Variants in ZDHHC5 observed in about 807,000 individuals in gnomAD.
ZDHHC5 encodes zDHHC palmitoyltransferase 5, also known as palmitoyltransferase ZDHHC5.
A neutral mutation model predicts 70.0 loss-of-function variants in ZDHHC5; 22 were observed. The observed-to-expected ratio is 0.31, with a 90% CI of 0.22 to 0.45. The LOEUF (loss-of-function observed/expected upper bound fraction) is 0.45. ZDHHC5 is among the 20% of genes least tolerant of loss of function. The pLI, the probability that ZDHHC5 is intolerant of heterozygous loss-of-function variation, is 1.00. For synonymous variants in ZDHHC5, 313 were observed against 347.8 expected (o/e 0.90, Z 1.11); for missense variants, 746 against 926.9 (o/e 0.80, Z 2.53).
intron 2 of ZDHHC5, among the ~76,000 whole-genome samples, chr11:57,674,483 G>A (rs1341551559): frequency 6.6e-6 from 1 of 152,138 alleles, no homozygotes; most frequent in Admixed American, 6.5e-5. Context: ...GATCTTCTGG[G>A]AAGTTACTTT....
chr11:57,682,777 TCTAGTC>T (rs1216883382), intron 3 of ZDHHC5, among the ~76,000 whole-genome samples: 4 of 152,228 alleles, frequency 2.6e-5, no homozygotes, highest in Admixed American at 1.3e-4. Context: ...TGTCATAACT[TCTAGTC>T]CTATGATTCA....
At chr11:57,677,755 G>C (rs1946090588) in intron 2 of ZDHHC5, among the ~76,000 whole-genome samples, 1 of 152,054 alleles carries the variant, frequency 6.6e-6, no homozygotes, top group Non-Finnish European at 1.5e-5. Context: ...AGTTCTCTCT[G>C]GTCCCCCCTC....
intron 9 of ZDHHC5, 25 bp from the exon 10 acceptor site, chr11:57,696,736 G>A (rs1946356442): frequency 6.2e-7 from 1 of 1,604,656 alleles, no homozygotes; most frequent in Non-Finnish European, 8.5e-7. Context: ...GTAAAATAGT[G>A]CCCCCTTGGC....
At chr11:57,675,983 A>G (rs1024221370) in intron 2 of ZDHHC5, among the ~76,000 whole-genome samples, 2 of 152,138 alleles carry the variant, frequency 1.3e-5, no homozygotes, top group African/African-American at 2.4e-5. Context: ...TCATCCTCCT[A>G]TTCTCTTCAC....
rs764900239 is a variant in ZDHHC5, at chr11:57,699,151, A to G, written c.1715A>G (p.Gln572Arg). ...EEPGLGDSGI[Q>R]STPGSGHAPR... ...CCAGGCTTGGGGGACTCAGGCATTC[A>G]GTCAACACCAGGCTCGGGCCATGCC... is the stretch of plus-strand genomic sequence containing the variant. The change falls in exon 11 of 12, where the codon CAG becomes CGG. Residue 572 changes from glutamine to arginine, a missense_variant. Coordinates refer to ENST00000287169, the MANE Select transcript of ZDHHC5 (RefSeq NM_015457.3). The G allele has an allele frequency of 1.9e-6, 3 of 1,614,134 alleles. No individual in the cohort carries two copies. The highest frequency in any genetic ancestry group is 1.1e-5 in the South Asian group (1 of 91,096).
At chr11:57,674,142 A>G (rs1181747435) in intron 2 of ZDHHC5, among the ~76,000 whole-genome samples, 1 of 152,146 alleles carries the variant, frequency 6.6e-6, no homozygotes, top group Non-Finnish European at 1.5e-5. Context: ...GTTTCTGCCG[A>G]GGGAATGACA....
intron 10 of ZDHHC5, among the ~76,000 whole-genome samples, chr11:57,698,021 G>A (rs1946377812): frequency 6.6e-6 from 1 of 151,792 alleles, no homozygotes; most frequent in Non-Finnish European, 1.5e-5. Flanking sequence ...TGTAATCCCA[G>A]CTACTCGGGA....
Position 57,696,792 on chromosome 11 carries a change from G to A in ZDHHC5, c.1041G>A (p.Pro347=), listed in dbSNP as rs758935084. 1.5e-5 allele frequency: 25 copies of A among 1,613,806 alleles called. No homozygotes were observed. The highest frequency in any genetic ancestry group is 2.2e-5 in the East Asian group (1 of 44,886). Residue 347 remains proline (P), a synonymous_variant, in exon 10 of 12, where the codon CCG becomes CCA. Transcript: ENST00000287169. The part of the protein sequence containing the change: ...DSSLLAKDSP[P]TPTMYKYRPG... ...GCTTATTGGCCAAGGACAGCCCCCC[G>A]ACACCTACCATGTACAAGTATCGGC...
intron 2 of ZDHHC5, among the ~76,000 whole-genome samples, chr11:57,679,011 A>G (rs1361736781): frequency 6.6e-6 from 1 of 152,188 alleles, no homozygotes; most frequent in Non-Finnish European, 1.5e-5. Flanking sequence ...TTAAAATCCA[A>G]AGATTCTTGA....
intron 2 of ZDHHC5, among the ~76,000 whole-genome samples, chr11:57,678,226 G>A (rs1386557536): frequency 6.6e-6 from 1 of 152,172 alleles, no homozygotes; most frequent in Non-Finnish European, 1.5e-5. Flanking sequence ...AATAATTGAT[G>A]ATGATGATAA....
In ZDHHC5 at chr11:57,701,178, T is replaced by C. The variant is rs1358921693; in HGVS notation, c.*1147T>C. ...AACGAGGAATAAAAAGAAATCCTGA[T>C]CTAACCAGCGCCCCCTGACTTGTGT... On this transcript the variant is annotated 3_prime_UTR_variant, in exon 12 of 12. Transcript: ENST00000287169. The C allele has an allele frequency of 6.6e-6, 1 of 152,624 alleles. No homozygotes were observed. Among genetic ancestry groups the C allele is most frequent in the East Asian group, 1.9e-4 (1 of 5,192 alleles). The allele number at this position is 152,624 out of a possible 1,614,324, so 9.5% of individuals were successfully genotyped here.
intron 6 of ZDHHC5, among the ~76,000 whole-genome samples, chr11:57,691,565 C>T (rs1946285301): frequency 6.6e-6 from 1 of 152,022 alleles, no homozygotes; most frequent in Non-Finnish European, 1.5e-5. Flanking sequence ...GGCATCATCA[C>T]CTGAAATATC....
intron 1 of ZDHHC5, among the ~76,000 whole-genome samples, chr11:57,670,043 T>C (rs1477456521): frequency 6.6e-6 from 1 of 152,228 alleles, no homozygotes; most frequent in Non-Finnish European, 1.5e-5. Flanking sequence ...TCAATATTAG[T>C]CCATGTGACT....
At chr11:57,687,669 AAG>A (rs1946224025) in intron 3 of ZDHHC5, among the ~76,000 whole-genome samples, 1 of 151,870 alleles carries the variant, frequency 6.6e-6, no homozygotes, top group South Asian at 2.1e-4. Flanking sequence ...AATTGAGAGA[AAG>A]GGCATTTATG....
intron 4 of ZDHHC5, among the ~76,000 whole-genome samples, 158 bp from the exon 5 acceptor site, chr11:57,689,873 C>A (rs1174932587): frequency 6.6e-6 from 1 of 152,092 alleles, no homozygotes; most frequent in African/African-American, 2.4e-5. Flanking sequence ...TCTGGAAGGT[C>A]TCCCTTGCAG....
At position 57,690,095 on chromosome 11, in the gene ZDHHC5, T is replaced by C; in HGVS notation, c.449T>C (p.Phe150Ser). Residue 150 changes from phenylalanine (F) to serine (S), a missense_variant, in exon 5 of 12, where the codon TTC becomes TCC. Phe to Ser is a radical substitution (Grantham distance 155). Coordinates refer to ENST00000287169, the MANE Select transcript of ZDHHC5 (RefSeq NM_015457.3). ...GGTCGCCGGAACTACCGTTATTTTT[T>C]CCTTTTCCTCCTTTCCCTGACAGCC... ...CIGRRNYRYF[F>S]LFLLSLTAHI... 6.2e-7 allele frequency: 1 copy of C among 1,614,162 alleles called. No individual in the cohort carries two copies. The highest frequency in any genetic ancestry group is 8.5e-7 in the Non-Finnish European group (1 of 1,180,036).
In ZDHHC5 at chr11:57,699,104, A is replaced by T. The variant is rs200996194; in HGVS notation, c.1668A>T (p.Pro556=). Residue 556 remains proline, a synonymous_variant, in exon 11 of 12, where the codon CCA becomes CCT. Coordinates refer to ENST00000287169, the MANE Select transcript of ZDHHC5 (RefSeq NM_015457.3). ...EREKLLRQSP[P]LPGREEEPGL... is the part of the protein sequence containing the mutation. ...AGAAGTTGCTGCGCCAGTCACCCCCACTCCCGGGCCGTGAGGAAGAACCAG... is the reference window on the plus strand; with the variant it reads ...AGAAGTTGCTGCGCCAGTCACCCCCTCTCCCGGGCCGTGAGGAAGAACCAG... The T allele has an allele frequency of 1.2e-6, 2 of 1,612,888 alleles. No individual in the cohort carries two copies. Among genetic ancestry groups the T allele is most frequent in the South Asian group, 1.1e-5 (1 of 90,978 alleles).
At chr11:57,697,972 A>G (rs1486150963) in intron 10 of ZDHHC5, among the ~76,000 whole-genome samples, 2 of 151,838 alleles carry the variant, frequency 1.3e-5, no homozygotes, top group African/African-American at 4.8e-5. Context: ...TGTCTCTACT[A>G]AAAATACAAA....
At position 57,695,959 on chromosome 11, in the gene ZDHHC5, G is replaced by A. The variant is rs1349863199; in HGVS notation, c.925G>A (p.Asp309Asn). Reference protein sequence around the residue: ...SLEITESQSADAEPPPPPKPD... With the variant: ...SLEITESQSANAEPPPPPKPD... ...GGAGATAACAGAGAGCCAGTCTGCA[G>A]ATGCTGAACCTCCACCTCCTCCTAA... The change falls in exon 9 of 12, where the codon GAT (aspartate) becomes AAT (asparagine). Residue 309 changes from aspartate to asparagine, a missense_variant. By Grantham distance (23) the Asp-to-Asn change is conservative. Coordinates refer to ENST00000287169, the MANE Select transcript of ZDHHC5 (RefSeq NM_015457.3). 5.0e-6 allele frequency: 8 copies of A among 1,614,120 alleles called. No individual in the cohort carries two copies. Among genetic ancestry groups the A allele is most frequent in the Non-Finnish European group, 6.8e-6 (8 of 1,180,030 alleles).
Sources: gnomAD v4.1 joint callset for allele counts (sites outside exome capture counted in the v4.1 genomes callset) on GRCh38, gnomAD v4.1.1 for gene constraint, MANE v1.5 for transcripts, NCBI Gene and HGNC (gene_info 2026-07-23, HGNC 2026-07-21) for gene names.